STAG1: variants seen among roughly 807,000 people sequenced by gnomAD.
STAG1 encodes the protein STAG1 cohesin complex component, also known as cohesin subunit SA-1.
In STAG1, 26 loss-of-function variants were observed where a neutral mutation model predicts 170.9. The observed-to-expected ratio is 0.15, with a 90% confidence interval of 0.11 to 0.21. STAG1 has a LOEUF of 0.21. Among genes scored for constraint, STAG1 ranks in the 10% least tolerant of loss-of-function variants. The probability of loss-of-function intolerance (pLI) is 1.00; values close to 1 mark genes in which losing one functional copy is unlikely to be tolerated. For missense variants in STAG1, 964 were observed against 1,509.5 expected (o/e 0.64, Z 5.99); for synonymous variants, 514 against 497.7 (o/e 1.03, Z -0.44).
chr3:136,527,595 A>G (rs1056387876), intron 6 of STAG1, among the ~76,000 whole-genome samples: 6 of 152,072 alleles, frequency 3.9e-5, no homozygotes, highest in African/African-American at 1.2e-4. Context: ...TCAACTTGTC[A>G]TTCTCCCTCC....
At chr3:136,414,284 C>G (rs771108166) in intron 21 of STAG1, among the ~76,000 whole-genome samples, 3 of 152,186 alleles carry the variant, frequency 2.0e-5, no homozygotes, top group Admixed American at 6.5e-5. Flanking sequence ...GGAGACAACC[C>G]TCTCCCACCC....
chr3:136,338,301 A>G (rs1171790685), intron 33 of STAG1, 24 bp from the exon 34 acceptor site: 1 of 1,340,930 alleles, frequency 7.5e-7, no homozygotes, highest in Non-Finnish European at 1.0e-6. Context: ...GAGAAACATA[A>G]TTATTAATTT....
intron 3 of STAG1, among the ~76,000 whole-genome samples, chr3:136,610,969 G>A (rs1939245666): frequency 6.6e-6 from 1 of 151,832 alleles, no homozygotes; most frequent in Admixed American, 6.6e-5. Flanking sequence ...TAATATATGG[G>A]TTGAGTACCC....
chr3:136,703,272 C>T (rs1943132462), intron 1 of STAG1, among the ~76,000 whole-genome samples: 1 of 152,134 alleles, frequency 6.6e-6, no homozygotes, highest in African/African-American at 2.4e-5. Context: ...CATTGGTTAA[C>T]ACTGGTGAAT....
chr3:136,603,493 G>T (rs1938780281), intron 4 of STAG1, among the ~76,000 whole-genome samples: 1 of 152,056 alleles, frequency 6.6e-6, no homozygotes, highest in Non-Finnish European at 1.5e-5. Flanking sequence ...ACACACTAAA[G>T]AAAAATAATT....
chr3:136,571,628 C>G (rs534711821), intron 4 of STAG1, among the ~76,000 whole-genome samples: 2 of 152,204 alleles, frequency 1.3e-5, no homozygotes, highest in Middle Eastern at 3.4e-3. Flanking sequence ...CCAACAACTC[C>G]TGGGAGGCCA....
intron 3 of STAG1, among the ~76,000 whole-genome samples, chr3:136,610,755 A>G (rs1402112171): frequency 1.3e-5 from 2 of 152,208 alleles, no homozygotes; most frequent in African/African-American, 2.4e-5. Flanking sequence ...AAGAAAAAAA[A>G]CACATTTACT....
At chr3:136,373,314 G>A (rs1409286922) in intron 23 of STAG1, among the ~76,000 whole-genome samples, 1 of 152,028 alleles carries the variant, frequency 6.6e-6, no homozygotes, top group Non-Finnish European at 1.5e-5. Context: ...TGGATTCATT[G>A]ATTTTTTGAA....
intron 13 of STAG1, among the ~76,000 whole-genome samples, chr3:136,454,673 C>G (rs985058965): frequency 6.6e-6 from 1 of 152,140 alleles, no homozygotes; most frequent in Non-Finnish European, 1.5e-5. Flanking sequence ...AGCCACCATG[C>G]CCAGTTTGTG....
chr3:136,455,079 T>G (rs748840642), intron 13 of STAG1, among the ~76,000 whole-genome samples: 1 of 152,186 alleles, frequency 6.6e-6, no homozygotes, highest in Admixed American at 6.5e-5. Flanking sequence ...TGCATAAGAA[T>G]TGGCTTGATT....
At chr3:136,473,020 C>T (rs147564352) in intron 11 of STAG1, among the ~76,000 whole-genome samples, 72 of 152,268 alleles carry the variant, frequency 4.7e-4, no homozygotes, top group African/African-American at 1.7e-3. Flanking sequence ...CCATCACTCC[C>T]ACTATTGCCT....
At chr3:136,380,800 ATC>A (rs1937912171) in intron 22 of STAG1, among the ~76,000 whole-genome samples, 1 of 151,826 alleles carries the variant, frequency 6.6e-6, no homozygotes, top group Non-Finnish European at 1.5e-5. Flanking sequence ...TTGGCGGATC[ATC>A]TGAGGTCAGG....
chr3:136,359,590 TG>T, intron 26 of STAG1, among the ~76,000 whole-genome samples: 1 of 152,232 alleles, frequency 6.6e-6, no homozygotes, highest in South Asian at 2.1e-4. Flanking sequence ...AGTGCAGTGG[TG>T]GGATCTCAGC....
intron 1 of STAG1, among the ~76,000 whole-genome samples, chr3:136,680,123 T>A (rs942847521): frequency 4.0e-5 from 6 of 151,758 alleles, no homozygotes; most frequent in Admixed American, 3.9e-4. Context: ...ATACAAAAAT[T>A]AGCCGTGCAC....
chr3:136,528,168 G>A (rs1212986027), intron 6 of STAG1, among the ~76,000 whole-genome samples: 3 of 152,176 alleles, frequency 2.0e-5, no homozygotes, highest in African/African-American at 4.8e-5. Context: ...GTTCAGCTAT[G>A]CCCTGCCCCA....
intron 9 of STAG1, among the ~76,000 whole-genome samples, chr3:136,480,902 A>C (rs1290872884): frequency 7.0e-6 from 1 of 143,350 alleles, no homozygotes; most frequent in African/African-American, 2.5e-5. Context: ...GTGTATAAGA[A>C]TGCTTGTGAT....
At chr3:136,355,169 A>G (rs973805987) in intron 28 of STAG1, among the ~76,000 whole-genome samples, 8 of 151,862 alleles carry the variant, frequency 5.3e-5, no homozygotes, top group Non-Finnish European at 7.4e-5. Flanking sequence ...CCTGGCCAAC[A>G]TGGTGAAACC....
At chr3:136,585,593 A>AAATAATAATAAT (rs562758896) in intron 4 of STAG1, among the ~76,000 whole-genome samples, 10 of 150,778 alleles carry the variant, frequency 6.6e-5, no homozygotes, top group African/African-American at 2.2e-4. Context: ...TGAGACTCAA[A>AAATAATAATAAT]AATAATAATA....
At chr3:136,350,854 T>C (rs1048706174) in intron 28 of STAG1, among the ~76,000 whole-genome samples, 1 of 152,240 alleles carries the variant, frequency 6.6e-6, no homozygotes, top group East Asian at 1.9e-4. Context: ...GAGAGGGTGC[T>C]GGTAGTTCTC....
Sources: gnomAD v4.1 joint callset for allele counts (sites outside exome capture counted in the v4.1 genomes callset) on GRCh38, gnomAD v4.1.1 for gene constraint, MANE v1.5 for transcripts, NCBI Gene and HGNC (gene_info 2026-07-23, HGNC 2026-07-21) for gene names.